Variants in ADAMTSL1 observed in about 807,000 individuals in gnomAD.
The protein encoded by ADAMTSL1 is ADAMTS like 1, also known as ADAMTS-like protein 1.
Under a neutral mutation model 201.8 loss-of-function variants are expected in ADAMTSL1, and 126 were observed. The ratio of observed to expected loss-of-function variants is 0.62; its 90% CI spans 0.54 to 0.72. The LOEUF (loss-of-function observed/expected upper bound fraction) is 0.72, where lower values mean the gene tolerates loss of function less well. ADAMTSL1 is among the 30% of genes least tolerant of loss of function. The pLI is 0.00. For synonymous variants in ADAMTSL1, 1,121 were observed against 903.4 expected, an observed-to-expected ratio of 1.24 and a Z score of -4.32; for missense variants, 2,679 against 2,277.8, an observed-to-expected ratio of 1.18 and a Z score of -3.59.
intron 9 of ADAMTSL1, among the ~76,000 whole-genome samples, chr9:18,663,321 A>G (rs573336274): frequency 2.2e-4 from 34 of 152,276 alleles, no homozygotes; most frequent in African/African-American, 7.7e-4. Flanking sequence ...TAGATATTTT[A>G]TAATTGTAAA....
At chr9:18,414,623 G>A (rs1278633482) in intron 2 of ADAMTSL1, among the ~76,000 whole-genome samples, 3 of 152,134 alleles carry the variant, frequency 2.0e-5, no homozygotes, top group Non-Finnish European at 2.9e-5. Context: ...GAGTTTTCAG[G>A]CTGTGGCTCA....
At chr9:18,194,408 C>T (rs1829091830) in intron 2 of ADAMTSL1, among the ~76,000 whole-genome samples, 1 of 151,860 alleles carries the variant, frequency 6.6e-6, no homozygotes, top group African/African-American at 2.4e-5. Flanking sequence ...CAACATGCAC[C>T]CTCCAAGGGC....
intron 2 of ADAMTSL1, among the ~76,000 whole-genome samples, chr9:18,327,254 A>C (rs1304808054): frequency 6.6e-6 from 1 of 152,224 alleles, no homozygotes; most frequent in African/African-American, 2.4e-5. Context: ...ACATAAATAG[A>C]ATTAGATTTA....
At chr9:17,978,433 C>T (rs1818541728) in intron 1 of ADAMTSL1, among the ~76,000 whole-genome samples, 1 of 151,710 alleles carries the variant, frequency 6.6e-6, no homozygotes, top group South Asian at 2.1e-4. Context: ...TATTCGATTT[C>T]TTTCTCTTTA....
intron 2 of ADAMTSL1, among the ~76,000 whole-genome samples, chr9:18,268,816 A>G (rs1187510914): frequency 6.6e-6 from 1 of 152,164 alleles, no homozygotes. Flanking sequence ...TTGGAAATAA[A>G]AGCAATTGGG....
intron 2 of ADAMTSL1, among the ~76,000 whole-genome samples, chr9:18,505,549 A>G (rs538718371): frequency 8.9e-4 from 136 of 152,358 alleles, no homozygotes; most frequent in African/African-American, 3.2e-3. Flanking sequence ...GGCTAATGAC[A>G]TCTAAGCTAA....
At chr9:18,107,085 C>T (rs1176543310) in intron 1 of ADAMTSL1, among the ~76,000 whole-genome samples, 1 of 152,104 alleles carries the variant, frequency 6.6e-6, no homozygotes, top group African/African-American at 2.4e-5. Context: ...GCTGTCTTTT[C>T]TTATATCTGT....
intron 2 of ADAMTSL1, among the ~76,000 whole-genome samples, chr9:18,407,568 C>A (rs1818260363): frequency 6.6e-6 from 1 of 152,018 alleles, no homozygotes; most frequent in Non-Finnish European, 1.5e-5. Context: ...AATGTTTTGG[C>A]AATTAATGGA....
chr9:18,063,933 C>T (rs948724323), intron 1 of ADAMTSL1, among the ~76,000 whole-genome samples: 1 of 152,080 alleles, frequency 6.6e-6, no homozygotes, highest in African/African-American at 2.4e-5. Flanking sequence ...ATTTCCGTGC[C>T]GGTTTAGAAT....
At position 18,446,385 on chromosome 9, in the gene ADAMTSL1, G is replaced by T. The variant is rs934067504; in HGVS notation, c.208-58444G>T. On this transcript the variant is annotated intron_variant, in intron 2 of 29. Transcript: ENST00000680146. ...GCATTTAAAGGCATGAACTAAAAATGTTCTGCTACTCTAAATTTGTTTTTG... is the reference window on the plus strand; with the variant it reads ...GCATTTAAAGGCATGAACTAAAAATTTTCTGCTACTCTAAATTTGTTTTTG... 3.9e-5 allele frequency among the ~76,000 whole-genome samples: 6 copies of T among 152,210 alleles called. 1 individual carries two copies. The highest frequency in any genetic ancestry group is 8.8e-5 in the Non-Finnish European group (6 of 68,010).
chr9:18,579,584 C>A (rs1194613092), intron 4 of ADAMTSL1, among the ~76,000 whole-genome samples: 1 of 152,066 alleles, frequency 6.6e-6, no homozygotes, highest in Non-Finnish European at 1.5e-5. Context: ...TATGTCTTAT[C>A]TTTTTCTTTT....
intron 19 of ADAMTSL1, among the ~76,000 whole-genome samples, chr9:18,783,127 C>A (rs775159527): frequency 1.3e-5 from 2 of 152,092 alleles, no homozygotes; most frequent in African/African-American, 4.8e-5. Context: ...TGCAGTAGCC[C>A]CTACAACACT....
intron 21 of ADAMTSL1, among the ~76,000 whole-genome samples, chr9:18,823,425 G>A (rs562044547): frequency 6.6e-6 from 1 of 152,204 alleles, no homozygotes; most frequent in East Asian, 1.9e-4. Context: ...ATTTTAGAAC[G>A]GCATGAGATA....
chr9:18,794,782 C>G (rs531225602), intron 19 of ADAMTSL1, among the ~76,000 whole-genome samples: 1 of 151,964 alleles, frequency 6.6e-6, no homozygotes, highest in South Asian at 2.1e-4. Context: ...TATAGGCATA[C>G]ACCCCCATGC....
chr9:18,876,188 C>T (rs902250346), intron 23 of ADAMTSL1, among the ~76,000 whole-genome samples: 5 of 152,202 alleles, frequency 3.3e-5, no homozygotes, highest in Admixed American at 2.6e-4. Flanking sequence ...TGAACTCTTA[C>T]TCATTCCGCC....
chr9:18,504,870 A>C lies in ADAMTSL1; in HGVS notation c.105A>C (p.Leu35=), dbSNP rs61742718. Residue 35 remains leucine, a synonymous_variant, in exon 2 of 29, where the codon CTA becomes CTC. Transcript: ENST00000380548. ...GCTCCGAGGAGGACCGGGACGGCCT[A>C]TGGGATGCCTGGGGCCCATGGAGTG... ...TARSEEDRDG[L]WDAWGPWSEC... 8 of 1,613,976 alleles carry C rather than the reference A, an allele frequency of 5.0e-6. No individual in the cohort carries two copies. The highest frequency in any genetic ancestry group is 6.8e-6 in the Non-Finnish European group (8 of 1,179,990).
intron 4 of ADAMTSL1, among the ~76,000 whole-genome samples, chr9:18,585,016 T>G (rs1823388305): frequency 6.6e-6 from 1 of 152,228 alleles, no homozygotes; most frequent in African/African-American, 2.4e-5. Flanking sequence ...ATCTAGGTTT[T>G]TTTCTATGAA....
intron 1 of ADAMTSL1, among the ~76,000 whole-genome samples, chr9:18,055,203 C>A (rs1822124149): frequency 6.6e-6 from 1 of 152,192 alleles, no homozygotes; most frequent in African/African-American, 2.4e-5. Context: ...TTTTTTAGCA[C>A]CTATTCATAG....
At chr9:18,468,668 T>C (rs1416123972) in intron 2 of ADAMTSL1, among the ~76,000 whole-genome samples, 1 of 152,150 alleles carries the variant, frequency 6.6e-6, no homozygotes, top group Non-Finnish European at 1.5e-5. Flanking sequence ...TTAAATCCCT[T>C]CGAGTAATAA....
Sources: allele counts gnomAD v4.1 joint callset (sites outside exome capture counted in the v4.1 genomes callset), GRCh38; gene constraint gnomAD v4.1.1; transcripts MANE v1.5; gene names NCBI Gene and HGNC (gene_info 2026-07-23, HGNC 2026-07-21).